Variants in PITPNC1 observed in about 807,000 individuals in gnomAD.
PITPNC1 encodes the protein cytoplasmic phosphatidylinositol transfer protein 1.
PITPNC1 carries 18 observed loss-of-function variants against 44.7 expected under a neutral mutation model. The observed-to-expected ratio is 0.40, with a 90% CI of 0.28 to 0.60. The LOEUF (loss-of-function observed/expected upper bound fraction) is 0.60. PITPNC1 is among the 20% of genes least tolerant of loss of function. PITPNC1 has a pLI of 0.39. For synonymous variants in PITPNC1, 141 were observed against 149.6 expected (o/e 0.94, Z 0.42); for missense variants, 290 against 418.4 (o/e 0.69, Z 2.68).
chr17:67,487,875 G>A (rs1308574521), intron 1 of PITPNC1, among the ~76,000 whole-genome samples: 3 of 152,158 alleles, frequency 2.0e-5, no homozygotes, highest in Non-Finnish European at 4.4e-5. Context: ...AGATGTCTTC[G>A]CATCTTATAC....
chr17:67,534,489 T>C (rs2040502675), intron 2 of PITPNC1, among the ~76,000 whole-genome samples: 1 of 151,706 alleles, frequency 6.6e-6, no homozygotes, highest in Non-Finnish European at 1.5e-5. Flanking sequence ...AATGCAAAAA[T>C]TAGCTGGGCA....
At chr17:67,671,782 A>G (rs1193688683) in intron 7 of PITPNC1, among the ~76,000 whole-genome samples, 1 of 152,128 alleles carries the variant, frequency 6.6e-6, no homozygotes, top group Non-Finnish European at 1.5e-5. Flanking sequence ...CAGGAAAGCA[A>G]TTGCAGCTCC....
chr17:67,415,309 C>G (rs772873407), intron 1 of PITPNC1, among the ~76,000 whole-genome samples: 27 of 152,162 alleles, frequency 1.8e-4, no homozygotes, highest in Admixed American at 5.2e-4. Context: ...CCCTGCCATA[C>G]TTCATTTCTC....
At chr17:67,543,500 T>A (rs1027911216) in intron 2 of PITPNC1, among the ~76,000 whole-genome samples, 3 of 152,252 alleles carry the variant, frequency 2.0e-5, no homozygotes, top group Non-Finnish European at 4.4e-5. Flanking sequence ...TTTTTGATGA[T>A]AGCCATCCTA....
At chr17:67,409,951 T>G (rs1042396387) in intron 1 of PITPNC1, among the ~76,000 whole-genome samples, 3 of 152,200 alleles carry the variant, frequency 2.0e-5, no homozygotes, top group East Asian at 1.9e-4. Context: ...AAGTTGCTAT[T>G]ATGAACACTA....
intron 4 of PITPNC1, among the ~76,000 whole-genome samples, chr17:67,575,681 AG>A (rs1167503922): frequency 6.6e-6 from 1 of 152,134 alleles, no homozygotes; most frequent in Non-Finnish European, 1.5e-5. Context: ...AGCATGCCTC[AG>A]CATACACTGG....
chr17:67,441,283 C>A (rs975415042), intron 1 of PITPNC1, among the ~76,000 whole-genome samples: 1 of 150,204 alleles, frequency 6.7e-6, no homozygotes, highest in Non-Finnish European at 1.5e-5. Flanking sequence ...TTAAGCCCCC[C>A]CCCGCCACCC....
chr17:67,625,875 G>T (rs1257673048), intron 5 of PITPNC1, among the ~76,000 whole-genome samples: 1 of 152,118 alleles, frequency 6.6e-6, no homozygotes. Context: ...AGATGAAAGT[G>T]GTCGAACTCT....
At chr17:67,637,416 A>T (rs2042046077) in intron 6 of PITPNC1, among the ~76,000 whole-genome samples, 1 of 152,022 alleles carries the variant, frequency 6.6e-6, no homozygotes. Flanking sequence ...TGATGGGCCG[A>T]ATCTGTTCCT....
At chr17:67,420,392 C>A (rs1242932024) in intron 1 of PITPNC1, among the ~76,000 whole-genome samples, 2 of 144,684 alleles carry the variant, frequency 1.4e-5, no homozygotes, top group Admixed American at 1.4e-4. Flanking sequence ...CCCCTCCCTC[C>A]CTCCCTCCCT....
At chr17:67,395,414 G>A (rs535285629) in intron 1 of PITPNC1, among the ~76,000 whole-genome samples, 6 of 152,132 alleles carry the variant, frequency 3.9e-5, no homozygotes, top group Non-Finnish European at 8.8e-5. Flanking sequence ...CTCCCAAAAT[G>A]CTGGGATTAC....
At chr17:67,497,168 CTA>C (rs968564783) in intron 1 of PITPNC1, among the ~76,000 whole-genome samples, 14 of 151,810 alleles carry the variant, frequency 9.2e-5, no homozygotes, top group African/African-American at 3.4e-4. Context: ...TAAAACTTAT[CTA>C]TGTTTTTTGT....
rs1014519255 is a variant in PITPNC1, at chr17:67,580,062, G to A, written c.366+1805G>A. ...TAGAGATGACTTCTGTTAGCAATTT[G>A]GTTCATGTTGCAGATTATGGACAAA... On this transcript the variant is annotated intron_variant, in intron 5 of 8. Transcript: ENST00000581322. Among the ~76,000 whole-genome samples, 13 of 152,276 alleles carry A rather than the reference G, an allele frequency of 8.5e-5. No individual in the cohort carries two copies. In the South Asian group the frequency reaches 2.1e-3, roughly 24 times the overall value.
chr17:67,404,842 A>G (rs923313691), intron 1 of PITPNC1, among the ~76,000 whole-genome samples: 5 of 151,198 alleles, frequency 3.3e-5, no homozygotes, highest in African/African-American at 9.7e-5. Context: ...GGTTGCTTGT[A>G]GGATTATGTT....
At chr17:67,455,142 C>A (rs2039237687) in intron 1 of PITPNC1, among the ~76,000 whole-genome samples, 1 of 152,116 alleles carries the variant, frequency 6.6e-6, no homozygotes, top group Non-Finnish European at 1.5e-5. Context: ...CAAAGTAAAA[C>A]CCAAGCCCAT....
intron 1 of PITPNC1, among the ~76,000 whole-genome samples, chr17:67,421,542 C>G (rs937791660): frequency 6.6e-6 from 1 of 152,126 alleles, no homozygotes; most frequent in African/African-American, 2.4e-5. Context: ...CTCGGCCTCC[C>G]AAAGTGCTGG....
downstream of PITPNC1, chr17:67,697,256 CT>C (rs2043024768): frequency 2.0e-5 from 3 of 151,438 alleles, no homozygotes; most frequent in South Asian, 6.3e-4. Flanking sequence ...AAGCAATCTT[CT>C]TTGCAAGCGT....
chr17:67,405,036 C>T (rs547792483), intron 1 of PITPNC1, among the ~76,000 whole-genome samples: 1 of 152,258 alleles, frequency 6.6e-6, no homozygotes, highest in South Asian at 2.1e-4. Flanking sequence ...CACCTGAGGT[C>T]AGGAGTTCGA....
chr17:67,512,199 A>G (rs2040192782), intron 1 of PITPNC1, among the ~76,000 whole-genome samples: 3 of 152,170 alleles, frequency 2.0e-5, no homozygotes, highest in Admixed American at 2.0e-4. Context: ...GTTTCTTCAA[A>G]TGAAAACCGG....
Sources: gnomAD v4.1 joint callset for allele counts (sites outside exome capture counted in the v4.1 genomes callset) on GRCh38, gnomAD v4.1.1 for gene constraint, MANE v1.5 for transcripts, NCBI Gene and HGNC (gene_info 2026-07-23, HGNC 2026-07-21) for gene names.